SATB2: variants seen among roughly 807,000 people sequenced by gnomAD.
SATB2 encodes the protein SATB homeobox 2.
SATB2 carries 1 observed loss-of-function variant against 73.4 expected under a neutral mutation model. The ratio of observed to expected loss-of-function variants is 0.01; its 90% CI spans 0.00 to 0.06. SATB2 has a LOEUF of 0.06. Ranked by LOEUF, SATB2 falls within the 10% of genes least tolerant of loss-of-function variation. The pLI, the probability that SATB2 is intolerant of heterozygous loss-of-function variation, is 1.00. For synonymous variants in SATB2, 397 were observed against 367.0 expected (o/e 1.08, Z -0.93); for missense variants, 459 against 945.8 (o/e 0.49, Z 6.75).
At chr2:199,355,348 C>CTATATATATATATATATATCTA (rs1688947954) in intron 6 of SATB2, among the ~76,000 whole-genome samples, 1 of 134,186 alleles carries the variant, frequency 7.5e-6, no homozygotes, top group African/African-American at 3.0e-5. Flanking sequence ...GTGTGTGTAT[C>CTATATATATATATATATATCTA]TATATATATA....
intron 5 of SATB2, among the ~76,000 whole-genome samples, chr2:199,370,184 T>G (rs1456689886): frequency 6.6e-6 from 1 of 152,128 alleles, no homozygotes; most frequent in Non-Finnish European, 1.5e-5. Context: ...GCTCCCGCTC[T>G]GGCTGAGATT....
At chr2:199,458,980 T>C (rs941843585), upstream of SATB2, among the ~76,000 whole-genome samples, 1 of 152,008 alleles carries the variant, frequency 6.6e-6, no homozygotes, top group African/African-American at 2.4e-5. Flanking sequence ...CCCGCCGGGC[T>C]GTGGGTGGCA....
chr2:199,439,193 GA>G (rs1343272638), intron 2 of SATB2, among the ~76,000 whole-genome samples: 2 of 152,252 alleles, frequency 1.3e-5, no homozygotes, highest in African/African-American at 2.4e-5. Flanking sequence ...AGGCTCACAT[GA>G]ATGGTCATAC....
At chr2:199,312,219 G>C (rs2105774158) in intron 9 of SATB2, among the ~76,000 whole-genome samples, 1 of 152,252 alleles carries the variant, frequency 6.6e-6, no homozygotes, top group South Asian at 2.1e-4. Flanking sequence ...GTGTTATGTG[G>C]AGCATTCCAT....
intron 2 of SATB2, among the ~76,000 whole-genome samples, chr2:199,447,596 T>A (rs1692002399): frequency 6.6e-6 from 1 of 151,522 alleles, no homozygotes; most frequent in Non-Finnish European, 1.5e-5. Context: ...GGGGAGAGAG[T>A]AGTTCCACCT....
chr2:199,384,019 C>A (rs971427479), intron 3 of SATB2, among the ~76,000 whole-genome samples: 2 of 152,248 alleles, frequency 1.3e-5, no homozygotes, highest in East Asian at 3.9e-4. Flanking sequence ...AATATGCATA[C>A]ATTTTTGTAT....
intron 3 of SATB2, among the ~76,000 whole-genome samples, chr2:199,412,650 C>T (rs1690855709): frequency 1.3e-5 from 2 of 152,004 alleles, no homozygotes; most frequent in African/African-American, 4.8e-5. Context: ...TTTGTATCTC[C>T]CTCCATATTA....
intron 5 of SATB2, among the ~76,000 whole-genome samples, chr2:199,377,027 G>A (rs528346045): frequency 6.6e-6 from 1 of 152,312 alleles, no homozygotes; most frequent in East Asian, 1.9e-4. Context: ...CTCATGTGGA[G>A]AGAAGGAGAT....
intron 10 of SATB2, among the ~76,000 whole-genome samples, chr2:199,298,705 T>C (rs1018326036): frequency 6.6e-6 from 1 of 152,152 alleles, no homozygotes; most frequent in Admixed American, 6.5e-5. Context: ...TATGACCTTG[T>C]GTGAGTGATT....
intron 10 of SATB2, among the ~76,000 whole-genome samples, chr2:199,285,514 C>T (rs1286772231): frequency 1.3e-5 from 2 of 151,704 alleles, no homozygotes; most frequent in East Asian, 3.9e-4. Flanking sequence ...ATTAAAAAAC[C>T]ATGGTTTAGC....
intron 9 of SATB2, among the ~76,000 whole-genome samples, chr2:199,312,088 A>C (rs1011064975): frequency 3.3e-5 from 5 of 152,150 alleles, no homozygotes; most frequent in African/African-American, 1.2e-4. Context: ...GACAGATGAC[A>C]GTATTCTCTA....
intron 10 of SATB2, among the ~76,000 whole-genome samples, chr2:199,279,523 G>A (rs985425913): frequency 2.0e-5 from 3 of 152,158 alleles, no homozygotes; most frequent in Non-Finnish European, 4.4e-5. Context: ...ACACTTTGTG[G>A]TCTTCTTTTA....
intron 9 of SATB2, among the ~76,000 whole-genome samples, chr2:199,316,182 C>T (rs1225805198): frequency 6.6e-6 from 1 of 152,120 alleles, no homozygotes; most frequent in East Asian, 1.9e-4. Flanking sequence ...GGTTGAGACT[C>T]TTCTGAAGTG....
intron 7 of SATB2, among the ~76,000 whole-genome samples, chr2:199,339,454 CAA>C (rs1688438349): frequency 6.6e-6 from 1 of 152,132 alleles, no homozygotes; most frequent in South Asian, 2.1e-4. Context: ...GTTCTGAAAT[CAA>C]AAGAGGGTAT....
intron 10 of SATB2, among the ~76,000 whole-genome samples, chr2:199,306,412 C>T (rs756827718): frequency 1.3e-5 from 2 of 152,140 alleles, no homozygotes; most frequent in African/African-American, 2.4e-5. Context: ...TCAAGGTCAA[C>T]AGCTGAGGCA....
chr2:199,381,143 G>C (rs577758921), intron 4 of SATB2, among the ~76,000 whole-genome samples: 1 of 152,208 alleles, frequency 6.6e-6, no homozygotes, highest in South Asian at 2.1e-4. Flanking sequence ...TGCCATATTT[G>C]AAAAAATAAA....
intron 7 of SATB2, among the ~76,000 whole-genome samples, chr2:199,343,908 C>T (rs1688577305): frequency 6.6e-6 from 1 of 152,098 alleles, no homozygotes; most frequent in South Asian, 2.1e-4. Flanking sequence ...TAACTTGGCA[C>T]TTGAAAGATG....
At chr2:199,361,653 G>A (rs186932531) in intron 6 of SATB2, among the ~76,000 whole-genome samples, 9 of 151,732 alleles carry the variant, frequency 5.9e-5, no homozygotes, top group Admixed American at 4.6e-4. Context: ...CTCAAAATAC[G>A]TCAACTGGGC....
At chr2:199,307,999 A>C (rs1687483727) in intron 10 of SATB2, among the ~76,000 whole-genome samples, 1 of 152,196 alleles carries the variant, frequency 6.6e-6, no homozygotes, top group Non-Finnish European at 1.5e-5. Flanking sequence ...CAGCAGGCCC[A>C]TCTTATAACC....
Sources: allele counts gnomAD v4.1 joint callset (sites outside exome capture counted in the v4.1 genomes callset), GRCh38; gene constraint gnomAD v4.1.1; transcripts MANE v1.5; gene names NCBI Gene and HGNC (gene_info 2026-07-23, HGNC 2026-07-21).